The following GLRB variants were observed in gnomAD, a reference collection of about 807,000 sequenced individuals.
GLRB encodes the protein glycine receptor subunit beta.
A neutral mutation model predicts 54.2 loss-of-function variants in GLRB; 33 were observed. That is an observed-to-expected ratio of 0.61 (90% CI 0.46 to 0.81). The LOEUF (loss-of-function observed/expected upper bound fraction) is 0.81, where lower values mean the gene tolerates loss of function less well. Among genes scored for constraint, GLRB ranks in the 40% least tolerant of loss-of-function variants. The pLI is 0.00. For missense variants in GLRB, 572 were observed against 584.6 expected, an observed-to-expected ratio of 0.98 and a Z score of 0.22; for synonymous variants, 209 against 208.2, an observed-to-expected ratio of 1.00 and a Z score of -0.03.
In GLRB at chr4:157,077,018, AT is replaced by A. The variant is rs201099720; in HGVS notation, c.-30+724del. Reference sequence around the variant, plus strand: ...AAAAACATGACATAAGGAGAAGCAAATTTCTGAGGGTGAGATGGGAATTAAG... The same window carrying A: ...AAAAACATGACATAAGGAGAAGCAAATTCTGAGGGTGAGATGGGAATTAAG... On this transcript the variant is annotated intron_variant, in intron 1 of 9. Coordinates refer to ENST00000264428, the MANE Select transcript of GLRB (RefSeq NM_000824.5). 4.3e-3 allele frequency among the ~76,000 whole-genome samples: 631 copies of A among 147,500 alleles called. 25 individuals are homozygous for A. Among genetic ancestry groups the A allele is most frequent in the Admixed American group, 0.041 (577 of 14,186 alleles).
chr4:157,101,258 C>A (rs1427860140), intron 2 of GLRB, among the ~76,000 whole-genome samples: 1 of 151,896 alleles, frequency 6.6e-6, no homozygotes, highest in Non-Finnish European at 1.5e-5. Context: ...ATTTTAAAAG[C>A]AGCCACATTA....
At chr4:157,148,717 A>G (rs1299345957) in intron 8 of GLRB, among the ~76,000 whole-genome samples, 1 of 152,084 alleles carries the variant, frequency 6.6e-6, no homozygotes, top group African/African-American at 2.4e-5. Context: ...CACGGATTTC[A>G]ATTCTTTTAT....
intron 8 of GLRB, 151 bp from the exon 9 acceptor site, chr4:157,152,567 A>G (rs1048640992): frequency 6.6e-6 from 5 of 752,450 alleles, no homozygotes; most frequent in African/African-American, 3.4e-5. Flanking sequence ...TGTACCTATT[A>G]TTTATTCTAG....
chr4:157,120,549 CT>C lies in GLRB; in HGVS notation c.123-5del. ...ACTACTTATCAGGATTTTTCTCTCT[CT>C]TATAGTCAGCAGTCAGCAGAGGACC... On this transcript the variant is annotated splice_region_variant and splice_polypyrimidine_tract_variant and intron_variant, in intron 2 of 9. Transcript: ENST00000264428. The C allele has an allele frequency of 6.7e-7, 1 of 1,499,456 alleles. No homozygotes were observed. The allele number at this position is 1,499,456 out of a possible 1,614,324, so 92.9% of individuals were successfully genotyped here. A position where few individuals can be genotyped will look rare whatever the true frequency, so the allele number is the denominator to read the frequency against.
chr4:157,170,586 C>T lies in GLRB; in HGVS notation c.1352C>T (p.Ser451Phe). Residue 451 changes from serine to phenylalanine, a missense_variant, in exon 10 of 10, where the codon TCT becomes TTT. Ser to Phe is a radical substitution (Grantham distance 155, BLOSUM62 -2). Coordinates refer to ENST00000264428, the MANE Select transcript of GLRB (RefSeq NM_000824.5). The part of the protein sequence containing the change: ...PIEVNNGLGK[S>F]QAKNNKKPPP... ...GAAGTTAACAACGGACTTGGGAAAT[C>T]TCAGGCTAAGAACAACAAGAAGCCT... 1 of 1,613,534 alleles carries T rather than the reference C, an allele frequency of 6.2e-7. No homozygotes were observed.
chr4:157,076,976 G>GA lies in GLRB; in HGVS notation c.-30+679_-30+680insA, dbSNP rs1055738495. On this transcript the variant is annotated intron_variant, in intron 1 of 9. Coordinates refer to ENST00000264428, the MANE Select transcript of GLRB (RefSeq NM_000824.5). Reference sequence around the variant, plus strand: ...TAAATATGGGGGGAAGAATCCTGGGGGGGGGGGGGGAAGATGAAAAACATG... The same window carrying GA: ...TAAATATGGGGGGAAGAATCCTGGGGAGGGGGGGGGGAAGATGAAAAACATG... Among the ~76,000 whole-genome samples the GA allele has an allele frequency of 1.4e-4, 12 of 83,086 alleles. 1 individual carries two copies. The highest frequency in any genetic ancestry group is 5.7e-4 in the Admixed American group (4 of 6,998). The allele number at this position is 83,086 out of a possible 152,430, so 54.5% of individuals were successfully genotyped here.
chr4:157,079,971 G>T (rs903620790), intron 2 of GLRB, among the ~76,000 whole-genome samples: 1 of 152,064 alleles, frequency 6.6e-6, no homozygotes, highest in African/African-American at 2.4e-5. Context: ...TGTTCTCCCA[G>T]TACACCCACC....
At chr4:157,116,054 A>G (rs1735598318) in intron 2 of GLRB, among the ~76,000 whole-genome samples, 1 of 151,580 alleles carries the variant, frequency 6.6e-6, no homozygotes. Flanking sequence ...GGGTCATGTA[A>G]AAAAAAAGAA....
At chr4:157,138,691 T>C (rs986151121) in intron 6 of GLRB, 118 bp from the exon 7 acceptor site, 4 of 628,312 alleles carry the variant, frequency 6.4e-6, no homozygotes, top group Non-Finnish European at 1.1e-5. Context: ...AACTACAATT[T>C]CATATAAGAA....
At chr4:157,141,641 A>G (rs1291907493) in intron 7 of GLRB, among the ~76,000 whole-genome samples, 1 of 152,066 alleles carries the variant, frequency 6.6e-6, no homozygotes, top group East Asian at 1.9e-4. Context: ...AATTTGCCCA[A>G]TGAACATTTA....
At chr4:157,131,453 A>G (rs115813801) in intron 4 of GLRB, among the ~76,000 whole-genome samples, 3,866 of 151,838 alleles carry the variant, frequency 0.025, 141 homozygotes, top group African/African-American at 0.086. Flanking sequence ...TTTATCTTTT[A>G]TATTAGGTTT....
chr4:157,130,121 G>T (rs1016501626), intron 4 of GLRB, among the ~76,000 whole-genome samples: 1 of 151,640 alleles, frequency 6.6e-6, no homozygotes, highest in East Asian at 1.9e-4. Context: ...TATGTTGTGA[G>T]TGTATGATTA....
chr4:157,078,178 G>C, intron 2 of GLRB, 32 bp downstream of exon 2: 1 of 1,609,238 alleles, frequency 6.2e-7, no homozygotes, highest in South Asian at 1.1e-5. Flanking sequence ...TTCTTATATG[G>C]AGAAATGTTA....
intron 9 of GLRB, among the ~76,000 whole-genome samples, chr4:157,166,074 A>G (rs1028286620): frequency 6.6e-6 from 1 of 152,042 alleles, no homozygotes; most frequent in African/African-American, 2.4e-5. Context: ...ACTTAAAAGA[A>G]CCACAAAGAA....
chr4:157,124,866 A>G (rs892032304), intron 4 of GLRB, among the ~76,000 whole-genome samples: 5 of 151,884 alleles, frequency 3.3e-5, no homozygotes, highest in Admixed American at 2.0e-4. Context: ...ATTCCATTTT[A>G]TCATAATTAT....
At position 157,078,165 on chromosome 4, in the gene GLRB, A is replaced by G. The variant is rs1734105780; in HGVS notation, c.122+19A>G. On this transcript the variant is annotated intron_variant, in intron 2 of 9. Coordinates refer to ENST00000264428, the MANE Select transcript of GLRB (RefSeq NM_000824.5). Reference sequence around the variant, plus strand: ...GCCCATCGTATGTTCTTCATGTCTTATATTCTTATATGGAGAAATGTTATT... The same window carrying G: ...GCCCATCGTATGTTCTTCATGTCTTGTATTCTTATATGGAGAAATGTTATT... 1 of 1,611,068 alleles carries G rather than the reference A, an allele frequency of 6.2e-7. No individual in the cohort carries two copies. Among genetic ancestry groups the G allele is most frequent in the Admixed American group, 1.7e-5 (1 of 59,992 alleles).
chr4:157,095,359 G>C (rs2126464379), intron 2 of GLRB, among the ~76,000 whole-genome samples: 1 of 152,008 alleles, frequency 6.6e-6, no homozygotes. Context: ...AAAACTACAG[G>C]AAGAGTAGAT....
chr4:157,115,251 G>A (rs1295753880), intron 2 of GLRB, among the ~76,000 whole-genome samples: 1 of 112,472 alleles, frequency 8.9e-6, no homozygotes, highest in South Asian at 2.9e-4. Context: ...CCATTATGGT[G>A]TTTTTTTTTT....
chr4:157,077,970 A>G, intron 1 of GLRB, 26 bp from the exon 2 acceptor site: 2 of 1,492,520 alleles, frequency 1.3e-6, no homozygotes, highest in Admixed American at 3.5e-5. Flanking sequence ...TCATAAATGT[A>G]AACATTTTCT....
Sources: gnomAD v4.1 joint callset for allele counts (sites outside exome capture counted in the v4.1 genomes callset) on GRCh38, gnomAD v4.1.1 for gene constraint, MANE v1.5 for transcripts, NCBI Gene and HGNC (gene_info 2026-07-23, HGNC 2026-07-21) for gene names.